Variants in FAM135B observed in about 807,000 individuals in gnomAD.
The protein encoded by FAM135B is family with sequence similarity 135 member B.
Under a neutral mutation model 127.7 loss-of-function variants are expected in FAM135B, and 43 were observed. That is an observed-to-expected ratio of 0.34 (90% CI 0.26 to 0.43). The LOEUF is 0.43. FAM135B is among the 20% of genes least tolerant of loss of function. The probability of loss-of-function intolerance (pLI) is 1.00; values close to 1 mark genes in which losing one functional copy is unlikely to be tolerated. For synonymous variants in FAM135B, 670 were observed against 665.1 expected (o/e 1.01, Z -0.11); for missense variants, 1,558 against 1,725.6 (o/e 0.90, Z 1.72).
chr8:138,344,865 G>A (rs887749630), intron 2 of FAM135B, among the ~76,000 whole-genome samples: 2 of 152,008 alleles, frequency 1.3e-5, no homozygotes, highest in African/African-American at 4.8e-5. Flanking sequence ...GTGAGCCACC[G>A]CGCCTGGCTT....
rs755060753 is a variant in FAM135B, at chr8:138,151,692, C to T, written c.2783G>A (p.Gly928Asp). 7 of 1,614,174 alleles carry T rather than the reference C, an allele frequency of 4.3e-6. No homozygotes were observed. Among genetic ancestry groups the T allele is most frequent in the Admixed American group, 3.3e-5 (2 of 60,028 alleles). Residue 928 changes from glycine to aspartate, a missense_variant, in exon 13 of 20, where the codon GGT (glycine) becomes GAT (aspartate). Around this residue, in one of 5 missense-constraint regions of FAM135B, gnomAD observed 923 missense variants for 865.3 expected, o/e 1.07. Coordinates refer to ENST00000395297, the MANE Select transcript of FAM135B (RefSeq NM_015912.4). Reference sequence around the variant, plus strand: ...TTCAGGCACCTGATGTTGAGAGAGACCCTCAACCTCTGAGATGCCACTGTT... The same window carrying T: ...TTCAGGCACCTGATGTTGAGAGAGATCCTCAACCTCTGAGATGCCACTGTT... Reference protein sequence around the residue: ...LSNSGISEVEGLSQHQVPELS... With the variant: ...LSNSGISEVEDLSQHQVPELS...
intron 12 of FAM135B, among the ~76,000 whole-genome samples, chr8:138,167,181 C>T (rs977270303): frequency 2.0e-5 from 3 of 151,952 alleles, no homozygotes; most frequent in African/African-American, 7.2e-5. Context: ...TGGCCAATGC[C>T]TTTATTTGTT....
chr8:138,454,825 G>C (rs1836688359), intron 1 of FAM135B, among the ~76,000 whole-genome samples: 1 of 152,168 alleles, frequency 6.6e-6, no homozygotes, highest in Non-Finnish European at 1.5e-5. Context: ...CTTGTCTCAT[G>C]CACAGCCTAT....
chr8:138,215,912 A>C (rs886418063), intron 7 of FAM135B, among the ~76,000 whole-genome samples: 2 of 152,218 alleles, frequency 1.3e-5, no homozygotes, highest in Admixed American at 1.3e-4. Flanking sequence ...AATGAGAATG[A>C]GATCAGCATA....
intron 14 of FAM135B, among the ~76,000 whole-genome samples, chr8:138,147,848 T>C (rs1209816586): frequency 1.3e-5 from 2 of 152,206 alleles, no homozygotes; most frequent in East Asian, 3.9e-4. Context: ...CTTATCTCAT[T>C]TTACTTTAGT....
At chr8:138,364,552 G>A (rs1335832916) in intron 2 of FAM135B, among the ~76,000 whole-genome samples, 1 of 152,044 alleles carries the variant, frequency 6.6e-6, no homozygotes, top group East Asian at 1.9e-4. Flanking sequence ...GCCTAAATAC[G>A]CACCTTCCTT....
chr8:138,479,628 G>A (rs565173317), intron 1 of FAM135B, among the ~76,000 whole-genome samples: 1 of 152,236 alleles, frequency 6.6e-6, no homozygotes, highest in Non-Finnish European at 1.5e-5. Context: ...CTGGAGTTGG[G>A]CACCCTAGGG....
rs1821532895 is a variant in FAM135B, at chr8:138,249,335, AATCTTGTAAC to A, written c.542+1496_542+1505del. On this transcript the variant is annotated intron_variant, in intron 6 of 19. Transcript: ENST00000395297. The stretch of plus-strand genomic sequence containing the variant: ...GCTGTCCTTTGTTTCTATAACTGTG[AATCTTGTAAC>A]ATTTTCTACCAAACTCTACCACAAC... Among the ~76,000 whole-genome samples the A allele has an allele frequency of 5.3e-5, 8 of 152,166 alleles. No homozygotes were observed. The South Asian group carries it at 1.7e-3, about 32-fold the overall frequency.
In FAM135B at chr8:138,346,925, A is replaced by G. The variant is rs1829453101; in HGVS notation, c.77+20982T>C. 2.0e-5 allele frequency among the ~76,000 whole-genome samples: 3 copies of G among 152,230 alleles called. No individual in the cohort carries two copies. The South Asian group carries it at 6.2e-4, about 32-fold the overall frequency. The stretch of plus-strand genomic sequence containing the variant: ...CCAATGTCCATTATAATCACATTGT[A>G]TGATAATATGTGTCTGTTTCTATCA... On this transcript the variant is annotated intron_variant, in intron 2 of 19. Transcript: ENST00000395297.
intron 7 of FAM135B, among the ~76,000 whole-genome samples, chr8:138,213,288 C>A (rs938615451): frequency 6.6e-6 from 1 of 152,132 alleles, no homozygotes; most frequent in Non-Finnish European, 1.5e-5. Context: ...GTGCACCGTA[C>A]GATCACTACG....
chr8:138,276,917 G>C (rs915438342), intron 3 of FAM135B, among the ~76,000 whole-genome samples: 4 of 152,190 alleles, frequency 2.6e-5, no homozygotes, highest in African/African-American at 9.6e-5. Context: ...GTCTGGAATG[G>C]GGGCCAAGGT....
rs956623062 is a variant in FAM135B, at chr8:138,149,743, C to T, written c.3282-1057G>A. ...TAGGAAGCTTTGCCTGGCTGCTATC[C>T]CTATTCACACCCATTTCCCCAAGCC... is the stretch of plus-strand genomic sequence containing the variant. On this transcript the variant is annotated intron_variant, in intron 13 of 19. Transcript: ENST00000395297. 2.2e-4 allele frequency among the ~76,000 whole-genome samples: 33 copies of T among 152,166 alleles called. No homozygotes were observed. The Middle Eastern group carries it at 0.014, about 63-fold the overall frequency.
At chr8:138,216,041 G>T (rs1818517406) in intron 7 of FAM135B, among the ~76,000 whole-genome samples, 1 of 152,098 alleles carries the variant, frequency 6.6e-6, no homozygotes, top group African/African-American at 2.4e-5. Context: ...ATGTTACAGT[G>T]AACAGTACAG....
At position 138,240,114 on chromosome 8, in the gene FAM135B, T is replaced by C. The variant is rs560106612; in HGVS notation, c.669+2828A>G. 2.6e-5 allele frequency among the ~76,000 whole-genome samples: 4 copies of C among 152,200 alleles called. No homozygotes were observed. In the South Asian group the frequency reaches 8.3e-4, roughly 32 times the overall value. On this transcript the variant is annotated intron_variant, in intron 7 of 19. Transcript: ENST00000395297. ...TATACATATGTAACAAACCTGCACA[T>C]TGTGCACATGTACCCTAGAACTTAA...
rs374163498 is a variant in FAM135B, at chr8:138,148,632, C to T, written c.3336G>A (p.Leu1112=). 6 of 1,610,426 alleles carry T rather than the reference C, an allele frequency of 3.7e-6. No homozygotes were observed. The African/African-American group carries it at 8.0e-5, about 22-fold the overall frequency. ...AAGCTAGTACAGTTAAGTCACTGTA[C>T]AGAAATCCTTCAATCTTCAGTTCTT... The part of the protein sequence containing the change: ...FKKELKIEGF[L]YSDLTVLASD... The change falls in exon 14 of 20, where the codon CTG becomes CTA. Residue 1112 remains leucine, a synonymous_variant. Coordinates refer to ENST00000395297, the MANE Select transcript of FAM135B (RefSeq NM_015912.4).
At chr8:138,164,019 G>T (rs867220134) in intron 12 of FAM135B, among the ~76,000 whole-genome samples, 1 of 152,052 alleles carries the variant, frequency 6.6e-6, no homozygotes, top group South Asian at 2.1e-4. Context: ...ACATAGAAAT[G>T]GAAATCTTTT....
chr8:138,250,690 A>G (rs1486759664), intron 6 of FAM135B, 151 bp downstream of exon 6: 6 of 809,630 alleles, frequency 7.4e-6, no homozygotes, highest in Non-Finnish European at 3.8e-6. Context: ...CCTCTCTCGC[A>G]TGCTCCTCAG....
At chr8:138,195,682 A>G (rs1435778362) in intron 8 of FAM135B, among the ~76,000 whole-genome samples, 1 of 152,128 alleles carries the variant, frequency 6.6e-6, no homozygotes, top group Non-Finnish European at 1.5e-5. Context: ...ACAGGTATAC[A>G]TCTGTGCATC....
chr8:138,420,365 T>A (rs534034264), intron 1 of FAM135B, among the ~76,000 whole-genome samples: 1 of 152,134 alleles, frequency 6.6e-6, no homozygotes, highest in East Asian at 1.9e-4. Context: ...ATAAAAAATC[T>A]ATCAATCATA....
Sources: gnomAD v4.1 joint callset for allele counts (sites outside exome capture counted in the v4.1 genomes callset) on GRCh38, gnomAD v4.1.1 for gene constraint, gnomAD v4.1.1 regional missense constraint, MANE v1.5 for transcripts, NCBI Gene and HGNC (gene_info 2026-07-23, HGNC 2026-07-21) for gene names.